WDFY3: variants seen among roughly 807,000 people sequenced by gnomAD.
WDFY3 encodes the protein WD repeat and FYVE domain-containing protein 3.
WDFY3 carries 66 observed loss-of-function variants against 409.6 expected under a neutral mutation model. The observed-to-expected ratio is 0.16, with a 90% confidence interval of 0.13 to 0.20. The LOEUF is 0.20. WDFY3 is among the 10% of genes least tolerant of loss of function. The pLI, the probability that WDFY3 is intolerant of heterozygous loss-of-function variation, is 1.00. For synonymous variants in WDFY3, 1,521 were observed against 1,537.1 expected, an observed-to-expected ratio of 0.99 and a Z score of 0.25; for missense variants, 3,031 against 4,298.1, an observed-to-expected ratio of 0.71 and a Z score of 8.24.
At chr4:84,826,765 TTCTTTC>T in intron 10 of WDFY3, 44 bp downstream of exon 10, 1 of 1,509,040 alleles carries the variant, frequency 6.6e-7, no homozygotes, top group East Asian at 2.4e-5. Context: ...GACAAATTCA[TTCTTTC>T]TCTATTTCTC....
intron 1 of WDFY3, among the ~76,000 whole-genome samples, chr4:84,963,224 G>C (rs1775149968): frequency 6.6e-6 from 1 of 151,694 alleles, no homozygotes. Context: ...AGGAGTTCAA[G>C]ACTAGCTTGG....
chr4:84,862,223 T>C (rs769431228), intron 3 of WDFY3, among the ~76,000 whole-genome samples: 8 of 152,172 alleles, frequency 5.3e-5, no homozygotes, highest in Non-Finnish European at 1.0e-4. Flanking sequence ...ATGTAACTCA[T>C]CACAGGTGAA....
At chr4:84,768,645 A>G (rs1240608699) in intron 30 of WDFY3, among the ~76,000 whole-genome samples, 1 of 152,198 alleles carries the variant, frequency 6.6e-6, no homozygotes, top group African/African-American at 2.4e-5. Context: ...AGATACTACC[A>G]GCTCACTGAC....
At chr4:84,960,150 C>T (rs763271557) in intron 1 of WDFY3, among the ~76,000 whole-genome samples, 7 of 152,076 alleles carry the variant, frequency 4.6e-5, no homozygotes, top group Non-Finnish European at 7.4e-5. Context: ...GCTTTAGAGG[C>T]CTGTTATTTG....
At chr4:84,814,976 G>A (rs536661712) in intron 13 of WDFY3, among the ~76,000 whole-genome samples, 25 of 152,110 alleles carry the variant, frequency 1.6e-4, no homozygotes, top group African/African-American at 6.0e-4. Flanking sequence ...ATCTTTCCCT[G>A]GTTGTTTCCC....
intron 63 of WDFY3, among the ~76,000 whole-genome samples, chr4:84,683,582 T>C: frequency 6.6e-6 from 1 of 152,184 alleles, no homozygotes; most frequent in Non-Finnish European, 1.5e-5. Context: ...GGGAAGAGAC[T>C]TATCCCTGCT....
intron 37 of WDFY3, among the ~76,000 whole-genome samples, chr4:84,743,323 A>ACC (rs1454323860): frequency 6.6e-6 from 1 of 152,210 alleles, no homozygotes; most frequent in Non-Finnish European, 1.5e-5. Context: ...TACTAAAAAG[A>ACC]TAACATACAT....
intron 8 of WDFY3, among the ~76,000 whole-genome samples, chr4:84,830,745 G>T (rs967869415): frequency 6.6e-6 from 1 of 152,104 alleles, no homozygotes; most frequent in Non-Finnish European, 1.5e-5. Flanking sequence ...AGTAACTTAT[G>T]CAATATCTTC....
chr4:84,716,098 C>A (rs1269936002), intron 49 of WDFY3, among the ~76,000 whole-genome samples: 2 of 152,084 alleles, frequency 1.3e-5, no homozygotes, highest in African/African-American at 4.8e-5. Flanking sequence ...AATTATGCAT[C>A]CACATGACCT....
intron 1 of WDFY3, among the ~76,000 whole-genome samples, chr4:84,953,667 G>C (rs1350273627): frequency 6.6e-6 from 1 of 151,984 alleles, no homozygotes; most frequent in African/African-American, 2.4e-5. Context: ...CATATTATAA[G>C]TATTTTTTTT....
chr4:84,884,386 T>A (rs1178242611), intron 3 of WDFY3, among the ~76,000 whole-genome samples: 1 of 152,060 alleles, frequency 6.6e-6, no homozygotes, highest in Non-Finnish European at 1.5e-5. Context: ...ACACTTAGAG[T>A]ATATATACAC....
rs374523725 is a variant in WDFY3, at chr4:84,964,076, T to A, written c.-226+2133A>T. Among the ~76,000 whole-genome samples, 6 of 152,332 alleles carry A rather than the reference T, an allele frequency of 3.9e-5. No individual in the cohort carries two copies. In the East Asian group the frequency reaches 1.2e-3, roughly 29 times the overall value. ...GACCCATATCCTTTTGAGAATGTGA[T>A]CACCCAACAGAGTCTTTATCTAGGA... is the stretch of plus-strand genomic sequence containing the variant. On this transcript the variant is annotated intron_variant, in intron 1 of 67. Coordinates refer to ENST00000295888, the MANE Select transcript of WDFY3 (RefSeq NM_014991.6).
intron 36 of WDFY3, among the ~76,000 whole-genome samples, chr4:84,744,643 G>A (rs1163141306): frequency 7.3e-5 from 11 of 151,654 alleles, no homozygotes; most frequent in Admixed American, 6.6e-4. Context: ...CACGAGGTCA[G>A]GAGATCGAGG....
intron 5 of WDFY3, chr4:84,849,569 TA>T (rs5859953): frequency 0.017 from 1,874 of 110,068 alleles, 18 homozygotes; most frequent in African/African-American, 0.049. Context: ...CAGGGTATGC[TA>T]AAAAAAAAAA....
intron 50 of WDFY3, among the ~76,000 whole-genome samples, chr4:84,714,949 CAA>C (rs770343929): frequency 2.3e-4 from 17 of 73,042 alleles, no homozygotes; most frequent in Non-Finnish European, 2.0e-4. Flanking sequence ...GACTCCGTCT[CAA>C]AAAAAAAAAA....
intron 50 of WDFY3, 116 bp downstream of exon 50, chr4:84,715,182 T>G (rs1355047847): frequency 3.4e-6 from 2 of 580,874 alleles, no homozygotes; most frequent in Non-Finnish European, 6.2e-6. Flanking sequence ...TAAATTATTT[T>G]CTTCAAAGAT....
intron 25 of WDFY3, among the ~76,000 whole-genome samples, chr4:84,781,245 A>T (rs1231966513): frequency 6.6e-6 from 1 of 152,030 alleles, no homozygotes; most frequent in East Asian, 1.9e-4. Context: ...AATCACACCT[A>T]CATTCCTAAC....
chr4:84,721,306 G>A (rs547773438), intron 47 of WDFY3, 103 bp downstream of exon 47: 24 of 1,452,308 alleles, frequency 1.7e-5, no homozygotes, highest in African/African-American at 9.9e-5. Flanking sequence ...TTTTATTACC[G>A]AGGCTAATGC....
rs1208507279 is a variant in WDFY3 at position 84,821,627 on chromosome 4, C to T, written c.1124-76G>A. On this transcript the variant is annotated intron_variant, in intron 10 of 67. Coordinates refer to ENST00000295888, the MANE Select transcript of WDFY3 (RefSeq NM_014991.6). Reference sequence around the variant, plus strand: ...GATGGCAAACTAGTCTGTTTAAACACATCATGAATTATAACATTTATCAAT... The same window carrying T: ...GATGGCAAACTAGTCTGTTTAAACATATCATGAATTATAACATTTATCAAT... 6 of 1,185,494 alleles carry T rather than the reference C, an allele frequency of 5.1e-6. No individual in the cohort carries two copies. In the African/African-American group the frequency reaches 6.2e-5, roughly 12 times the overall value. 73.4% of individuals were successfully genotyped at this position (1,185,494 alleles called of 1,614,324 possible). A position where few individuals can be genotyped will look rare whatever the true frequency, so the allele number is the denominator to read the frequency against.
Sources: gnomAD v4.1 joint callset for allele counts (sites outside exome capture counted in the v4.1 genomes callset) on GRCh38, gnomAD v4.1.1 for gene constraint, MANE v1.5 for transcripts, NCBI Gene and HGNC (gene_info 2026-07-23, HGNC 2026-07-21) for gene names.